PLXNC1: variants seen among roughly 807,000 people sequenced by gnomAD.
PLXNC1 encodes plexin-C1.
A neutral mutation model predicts 178.2 loss-of-function variants in PLXNC1; 75 were observed. That is an observed-to-expected ratio of 0.42 (90% confidence interval 0.35 to 0.51). The LOEUF is 0.51. Ranked by LOEUF, PLXNC1 falls within the 20% of genes least tolerant of loss-of-function variation. PLXNC1 has a pLI of 0.02. For missense variants in PLXNC1, 1,503 were observed against 1,984.4 expected, an observed-to-expected ratio of 0.76 and a Z score of 4.61; for synonymous variants, 790 against 779.9, an observed-to-expected ratio of 1.01 and a Z score of -0.22.
At chr12:94,245,861 T>C (rs1250994267) in intron 12 of PLXNC1, among the ~76,000 whole-genome samples, 1 of 152,094 alleles carries the variant, frequency 6.6e-6, no homozygotes, top group African/African-American at 2.4e-5. Flanking sequence ...GACTGAAAAC[T>C]TTGCCCTTAA....
chr12:94,254,439 A>G, intron 15 of PLXNC1: 1 of 470,082 alleles, frequency 2.1e-6, no homozygotes, highest in Non-Finnish European at 4.2e-6. Flanking sequence ...AAGTGGCTGC[A>G]GCTGTGGGGA....
At chr12:94,250,236 T>C (rs1964643622) in intron 14 of PLXNC1, among the ~76,000 whole-genome samples, 1 of 152,122 alleles carries the variant, frequency 6.6e-6, no homozygotes, top group South Asian at 2.1e-4. Flanking sequence ...GATTAGAACC[T>C]TGTGGACCAT....
chr12:94,251,659 T>A, intron 15 of PLXNC1, 131 bp downstream of exon 15: 1 of 680,614 alleles, frequency 1.5e-6, no homozygotes, highest in South Asian at 1.6e-5. Flanking sequence ...ATCAAAACTT[T>A]GAGAAACGAA....
At chr12:94,289,641 C>T (rs1326812247) in intron 23 of PLXNC1, among the ~76,000 whole-genome samples, 1 of 152,208 alleles carries the variant, frequency 6.6e-6, no homozygotes, top group African/African-American at 2.4e-5. Flanking sequence ...TAACACTCTG[C>T]ATTCCAGGGC....
chr12:94,265,027 A>C, intron 20 of PLXNC1, 52 bp from the exon 21 acceptor site: 1 of 1,573,664 alleles, frequency 6.4e-7, no homozygotes, highest in Non-Finnish European at 8.7e-7. Context: ...TTCTTTGGAA[A>C]GTACAGTGGA....
chr12:94,201,345 T>G (rs7137116), intron 4 of PLXNC1, among the ~76,000 whole-genome samples: 26,049 of 152,252 alleles, frequency 0.17, 2,688 homozygotes, highest in African/African-American at 0.28. Flanking sequence ...TCAACCTCAT[T>G]GCCCAAATCC....
intron 4 of PLXNC1, among the ~76,000 whole-genome samples, chr12:94,189,957 A>G (rs192143964): frequency 1.3e-5 from 2 of 152,218 alleles, no homozygotes; most frequent in East Asian, 3.9e-4. Flanking sequence ...GTGGTCTGTA[A>G]TGATCACAAT....
At chr12:94,163,916 C>G (rs991458367) in intron 1 of PLXNC1, among the ~76,000 whole-genome samples, 8 of 152,180 alleles carry the variant, frequency 5.3e-5, no homozygotes, top group African/African-American at 1.9e-4. Context: ...GTTGTCCTTT[C>G]CATCTCCTTA....
intron 7 of PLXNC1, 25 bp from the exon 8 acceptor site, chr12:94,226,580 T>C (rs771071597): frequency 6.5e-7 from 1 of 1,528,706 alleles, no homozygotes; most frequent in Non-Finnish European, 9.1e-7. Context: ...AACGCAGGAA[T>C]TAAGTCAGTT....
At chr12:94,177,509 A>AGGG in intron 2 of PLXNC1, among the ~76,000 whole-genome samples, 1 of 136,770 alleles carries the variant, frequency 7.3e-6, no homozygotes, top group Non-Finnish European at 1.6e-5. Flanking sequence ...AAAACAAAGA[A>AGGG]AGAAAGAGAG....
At chr12:94,302,955 A>G (rs1166212026) in intron 28 of PLXNC1, among the ~76,000 whole-genome samples, 1 of 152,182 alleles carries the variant, frequency 6.6e-6, no homozygotes, top group Non-Finnish European at 1.5e-5. Flanking sequence ...AAATCTCAAT[A>G]ATATCTCAGT....
chr12:94,299,621 G>A (rs1228741805), intron 27 of PLXNC1, among the ~76,000 whole-genome samples: 1 of 151,932 alleles, frequency 6.6e-6, no homozygotes, highest in African/African-American at 2.4e-5. Flanking sequence ...GTGCAGTGGT[G>A]GGATCTCGGT....
At chr12:94,269,528 A>G (rs1965448781) in intron 21 of PLXNC1, among the ~76,000 whole-genome samples, 2 of 152,306 alleles carry the variant, frequency 1.3e-5, no homozygotes, top group South Asian at 2.1e-4. Context: ...TCTGCCTACC[A>G]GTGCTGGCTG....
intron 4 of PLXNC1, among the ~76,000 whole-genome samples, chr12:94,192,559 A>G (rs1962766357): frequency 6.6e-6 from 1 of 151,942 alleles, no homozygotes; most frequent in South Asian, 2.1e-4. Flanking sequence ...CCTGTCAGCT[A>G]TGGGAAGAAG....
intron 9 of PLXNC1, among the ~76,000 whole-genome samples, chr12:94,235,606 G>A (rs935729562): frequency 4.6e-5 from 7 of 152,070 alleles, no homozygotes; most frequent in African/African-American, 1.2e-4. Flanking sequence ...AGCAGAGGTC[G>A]GCAAATGTTT....
chr12:94,193,429 G>A lies in PLXNC1; in HGVS notation c.1439+6956G>A, dbSNP rs530817291. Among the ~76,000 whole-genome samples, 5 of 152,296 alleles carry A rather than the reference G, an allele frequency of 3.3e-5. No individual in the cohort carries two copies. The South Asian group carries it at 1.0e-3, about 32-fold the overall frequency. ...TAGAAGATAGAATTGACAGGGCTTA[G>A]TGATTAATTAGATTCCCCTTTGAGT... On this transcript the variant is annotated intron_variant, in intron 4 of 30. Transcript: ENST00000258526.
Position 94,260,949 on chromosome 12 carries a change from C to T in PLXNC1, c.3450+109C>T. 1.1e-6 allele frequency: 1 copy of T among 914,058 alleles called. No homozygotes were observed. Among genetic ancestry groups the T allele is most frequent in the Non-Finnish European group, 1.7e-6 (1 of 576,744 alleles). The allele number at this position is 914,058 out of a possible 1,614,324, so 56.6% of individuals were successfully genotyped here. ...AATCCTGAATGCTCGATGGTGTCAGCACTTAACCATGTTTCGTCTTGGTCC... is the reference window on the plus strand; with the variant it reads ...AATCCTGAATGCTCGATGGTGTCAGTACTTAACCATGTTTCGTCTTGGTCC... On this transcript the variant is annotated intron_variant, in intron 20 of 30. Coordinates refer to ENST00000258526, the MANE Select transcript of PLXNC1 (RefSeq NM_005761.3). The surrounding 1 kb of genome is among the most constrained non-coding windows in gnomAD (Gnocchi z 4.4).
Position 94,307,098 on chromosome 12 carries a change from T to TAA in PLXNC1, c.*1814_*1815dup, listed in dbSNP as rs1555213793. 2 of 152,232 alleles carry TAA rather than the reference T, an allele frequency of 1.3e-5. No individual in the cohort carries two copies. The highest frequency in any genetic ancestry group is 1.9e-4 in the East Asian group (1 of 5,202). The allele number at this position is 152,232 out of a possible 1,614,324, so 9.4% of individuals were successfully genotyped here. The stretch of plus-strand genomic sequence containing the variant: ...TCAAAGGATCAGCTACAGCTTTATC[T>TAA]AAGTATTTACTAAATGCTACATGAG... On this transcript the variant is annotated 3_prime_UTR_variant, in exon 31 of 31. Transcript: ENST00000258526.
intron 17 of PLXNC1, among the ~76,000 whole-genome samples, chr12:94,256,844 CAA>C (rs35718233): frequency 0.4 from 44,087 of 110,438 alleles, 6,587 homozygotes; most frequent in African/African-American, 0.42. Context: ...TGAGTGTTTC[CAA>C]AAAAAAAAAA....
Sources: allele counts gnomAD v4.1 joint callset (sites outside exome capture counted in the v4.1 genomes callset), GRCh38; gene constraint gnomAD v4.1.1; non-coding constraint Gnocchi (gnomAD v3.1); transcripts MANE v1.5; gene names NCBI Gene and HGNC (gene_info 2026-07-23, HGNC 2026-07-21).